The following PAX7 variants were observed in gnomAD, a reference collection of about 807,000 sequenced individuals.
PAX7 encodes paired box 7.
Under a neutral mutation model 50.7 loss-of-function variants are expected in PAX7, and 18 were observed. The ratio of observed to expected loss-of-function variants is 0.36; its 90% confidence interval spans 0.25 to 0.53. The LOEUF is 0.53. Among genes scored for constraint, PAX7 ranks in the 20% least tolerant of loss-of-function variants. The pLI, the probability that PAX7 is intolerant of heterozygous loss-of-function variation, is 0.93. For synonymous variants in PAX7, 310 were observed against 290.4 expected (o/e 1.07, Z -0.69); for missense variants, 644 against 702.9 (o/e 0.92, Z 0.95).
rs1256234267 is a variant in PAX7 at position 18,634,597 on chromosome 1, T to G, written c.321+59T>G. On this transcript the variant is annotated intron_variant, in intron 2 of 8. Transcript: ENST00000420770. The surrounding 1 kb of genome is among the most constrained non-coding windows in gnomAD (Gnocchi z 4.0). ...CTTCCTATAGTCGGGGGCTCCTGGTTGTGGCCCCTCTTACTACCTCGTGGC... is the reference window on the plus strand; with the variant it reads ...CTTCCTATAGTCGGGGGCTCCTGGTGGTGGCCCCTCTTACTACCTCGTGGC... 6.9e-7 allele frequency: 1 copy of G among 1,452,514 alleles called. No homozygotes were observed. The highest frequency in any genetic ancestry group is 2.3e-5 in the East Asian group (1 of 43,892). The allele number at this position is 1,452,514 out of a possible 1,614,324, so 90.0% of individuals were successfully genotyped here.
intron 4 of PAX7, among the ~76,000 whole-genome samples, chr1:18,664,438 A>G (rs1468401574): frequency 6.6e-6 from 1 of 152,166 alleles, no homozygotes; most frequent in East Asian, 1.9e-4. Context: ...AAGAGGGAAC[A>G]CCATGCCTGG....
chr1:18,673,403 A>C (rs1475159776), intron 4 of PAX7, among the ~76,000 whole-genome samples: 3 of 151,970 alleles, frequency 2.0e-5, no homozygotes, highest in Non-Finnish European at 2.9e-5. Context: ...ATTTTTGTCC[A>C]CTCCCAAATA....
intron 8 of PAX7, among the ~76,000 whole-genome samples, chr1:18,738,391 G>A (rs1362497230): frequency 6.6e-6 from 1 of 152,144 alleles, no homozygotes; most frequent in Non-Finnish European, 1.5e-5. Flanking sequence ...CTCCAGGGGC[G>A]CCTGCTCAAT....
chr1:18,742,151 T>A lies in PAX7; in HGVS notation c.1403-2663T>A, dbSNP rs1489752045. 1.3e-3 allele frequency among the ~76,000 whole-genome samples: 41 copies of A among 31,396 alleles called. 1 individual carries two copies. The South Asian group carries it at 0.026, about 20-fold the overall frequency. The allele number at this position is 31,396 out of a possible 152,430, so 20.6% of individuals were successfully genotyped here. A position where few individuals can be genotyped will look rare whatever the true frequency, so the allele number is the denominator to read the frequency against. ...TGTCCCTCTAAGAATGAGGCTTCTT[T>A]TTTTTTTTTTTTTTTTTTTTTTTTG... On this transcript the variant is annotated intron_variant, in intron 8 of 8. Coordinates refer to ENST00000420770, the MANE Select transcript of PAX7 (RefSeq NM_001135254.2).
chr1:18,696,791 C>T lies in PAX7; in HGVS notation c.787-3862C>T, dbSNP rs879778889. On this transcript the variant is annotated intron_variant, in intron 5 of 8. Coordinates refer to ENST00000420770, the MANE Select transcript of PAX7 (RefSeq NM_001135254.2). Reference sequence around the variant, plus strand: ...TGAGGGGAGAAGTGGGGATGGTTAACGGGTTCAAAAAAGGAATAAGGATAA... The same window carrying T: ...TGAGGGGAGAAGTGGGGATGGTTAATGGGTTCAAAAAAGGAATAAGGATAA... 2.0e-5 allele frequency among the ~76,000 whole-genome samples: 3 copies of T among 151,508 alleles called. No homozygotes were observed. The East Asian group carries it at 5.8e-4, about 29-fold the overall frequency.
At chr1:18,662,231 A>G (rs1006624069) in intron 4 of PAX7, among the ~76,000 whole-genome samples, 6 of 151,920 alleles carry the variant, frequency 3.9e-5, no homozygotes, top group South Asian at 2.1e-4. Flanking sequence ...AAGTTATGTG[A>G]CCCGGCCTTG....
At chr1:18,664,329 G>T (rs1222480785) in intron 4 of PAX7, among the ~76,000 whole-genome samples, 3 of 152,234 alleles carry the variant, frequency 2.0e-5, no homozygotes, top group African/African-American at 7.2e-5. Context: ...GCCCCTGTCA[G>T]CCTATGGCCA....
intron 7 of PAX7, among the ~76,000 whole-genome samples, chr1:18,709,481 C>T (rs2089324250): frequency 6.6e-6 from 1 of 152,240 alleles, no homozygotes; most frequent in Non-Finnish European, 1.5e-5. Flanking sequence ...TCTGTCCTTT[C>T]CTGCTTCTTG....
At chr1:18,721,738 GGGA>G (rs1165728604) in intron 7 of PAX7, among the ~76,000 whole-genome samples, 2 of 152,236 alleles carry the variant, frequency 1.3e-5, no homozygotes, top group Admixed American at 6.5e-5. Flanking sequence ...CAGTGATGCG[GGGA>G]GGAGAAGCTG....
At chr1:18,703,012 T>C in intron 6 of PAX7, 82 bp from the exon 7 acceptor site, 1 of 1,287,018 alleles carries the variant, frequency 7.8e-7, no homozygotes, top group Non-Finnish European at 1.1e-6. Flanking sequence ...AGGAGGAGTC[T>C]CTTGGCTTGC....
At chr1:18,667,713 T>C (rs183524464) in intron 4 of PAX7, among the ~76,000 whole-genome samples, 1 of 152,028 alleles carries the variant, frequency 6.6e-6, no homozygotes, top group East Asian at 1.9e-4. Flanking sequence ...GAGTCAGGGA[T>C]ATGGTGTCAA....
chr1:18,653,458 G>T (rs978330250), intron 4 of PAX7, among the ~76,000 whole-genome samples: 2 of 152,132 alleles, frequency 1.3e-5, no homozygotes, highest in Admixed American at 6.5e-5. Flanking sequence ...CTTGGGGGAG[G>T]TGTCGCTTTC....
intron 7 of PAX7, among the ~76,000 whole-genome samples, chr1:18,717,834 G>T (rs1346563627): frequency 1.3e-5 from 2 of 152,206 alleles, no homozygotes; most frequent in Admixed American, 6.5e-5. Context: ...CTTCCAGTTA[G>T]TCCACCCACA....
In PAX7 at chr1:18,631,593, C is replaced by A. The variant is rs771314639; in HGVS notation, c.-11C>A. 4 of 1,610,276 alleles carry A rather than the reference C, an allele frequency of 2.5e-6. No homozygotes were observed. The highest frequency in any genetic ancestry group is 1.7e-5 in the Admixed American group (1 of 59,652). On this transcript the variant is annotated 5_prime_UTR_variant, in exon 1 of 9. Coordinates refer to ENST00000420770, the MANE Select transcript of PAX7 (RefSeq NM_001135254.2). The stretch of plus-strand genomic sequence containing the variant: ...TTGCCGACTTTGGATTCGTCCCCGG[C>A]GTGCGCAAGAATGGCGGCCCTTCCC...
intron 4 of PAX7, among the ~76,000 whole-genome samples, chr1:18,680,372 A>G (rs1201680376): frequency 6.6e-6 from 1 of 152,170 alleles, no homozygotes; most frequent in Non-Finnish European, 1.5e-5. Context: ...TCTGTTCTGA[A>G]GGAGAGGAGA....
In PAX7 at chr1:18,725,315, C is replaced by A. The variant is rs764678529; in HGVS notation, c.1156-10317C>A. Among the ~76,000 whole-genome samples, 954 of 144,032 alleles carry A rather than the reference C, an allele frequency of 6.6e-3. 26 individuals are homozygous for A. Among genetic ancestry groups the A allele is most frequent in the Non-Finnish European group, 9.8e-3 (649 of 66,290 alleles). 94.5% of individuals were successfully genotyped at this position (144,032 alleles called of 152,430 possible). ...AGAGGTGGAGACGCCCCCCCCCCGC[C>A]CCACCAACACCGCCAGGCCAGGGGG... On this transcript the variant is annotated intron_variant, in intron 7 of 8. Transcript: ENST00000420770.
intron 7 of PAX7, among the ~76,000 whole-genome samples, chr1:18,711,544 G>A (rs1253623695): frequency 1.3e-5 from 2 of 152,148 alleles, no homozygotes; most frequent in African/African-American, 4.8e-5. Flanking sequence ...ACCTAAGTCT[G>A]GGGAGGAGAA....
At chr1:18,717,243 C>G (rs1273734113) in intron 7 of PAX7, among the ~76,000 whole-genome samples, 2 of 152,212 alleles carry the variant, frequency 1.3e-5, no homozygotes, top group East Asian at 1.9e-4. Flanking sequence ...GGCCGCCCCC[C>G]GGACTGCGGA....
At chr1:18,702,484 T>C (rs1238489982) in intron 6 of PAX7, among the ~76,000 whole-genome samples, 1 of 151,750 alleles carries the variant, frequency 6.6e-6, no homozygotes, top group Non-Finnish European at 1.5e-5. Context: ...ATTGAACCAG[T>C]GTTGAGGGTC....
Sources: gnomAD v4.1 joint callset for allele counts (sites outside exome capture counted in the v4.1 genomes callset) on GRCh38, gnomAD v4.1.1 for gene constraint, Gnocchi (gnomAD v3.1) non-coding constraint, MANE v1.5 for transcripts, NCBI Gene and HGNC (gene_info 2026-07-23, HGNC 2026-07-21) for gene names.